DENND2B: variants seen among roughly 807,000 people sequenced by gnomAD.
DENND2B encodes DENN domain containing 2B.
Under a neutral mutation model 116.0 loss-of-function variants are expected in DENND2B, and 32 were observed. The ratio of observed to expected loss-of-function variants is 0.28; its 90% confidence interval spans 0.21 to 0.37. The LOEUF (loss-of-function observed/expected upper bound fraction) is 0.37, where lower values mean the gene tolerates loss of function less well. Among genes scored for constraint, DENND2B ranks in the 10% least tolerant of loss-of-function variants. The pLI, the probability that DENND2B is intolerant of heterozygous loss-of-function variation, is 1.00. For synonymous variants in DENND2B, 588 were observed against 583.9 expected (o/e 1.01, Z -0.10); for missense variants, 1,276 against 1,477.7 (o/e 0.86, Z 2.24).
chr11:8,708,273 G>A (rs1396670438), intron 11 of DENND2B: 1 of 985,346 alleles, frequency 1.0e-6, no homozygotes, highest in African/African-American at 1.7e-5. Flanking sequence ...GCCCCATAGG[G>A]CACATTCGGC....
At chr11:8,742,078 T>C (rs1228876372) in intron 2 of DENND2B, among the ~76,000 whole-genome samples, 1 of 152,090 alleles carries the variant, frequency 6.6e-6, no homozygotes, top group African/African-American at 2.4e-5. Context: ...ATTACTAGTT[T>C]TTGTAGAGAC....
At chr11:8,710,753 G>GCGCACACA in intron 11 of DENND2B, 92 bp downstream of exon 11, 4 of 830,360 alleles carry the variant, frequency 4.8e-6, no homozygotes, top group African/African-American at 1.8e-5. Flanking sequence ...TTGCAGAAGG[G>GCGCACACA]CACACACACA....
intron 1 of DENND2B, among the ~76,000 whole-genome samples, chr11:8,779,410 A>ACCCTC (rs1246877929): frequency 1.7e-4 from 25 of 150,118 alleles, no homozygotes; most frequent in African/African-American, 6.1e-4. Context: ...TAAAAACAGA[A>ACCCTC]CCCTCCCCTC....
At chr11:8,818,929 A>G (rs899507109) in intron 4 of DENND2B, among the ~76,000 whole-genome samples, 3 of 152,244 alleles carry the variant, frequency 2.0e-5, no homozygotes, top group African/African-American at 7.2e-5. Context: ...CAAGATGATT[A>G]TAAGTGGTAT....
At chr11:8,698,401 T>TC (rs1165850205) in intron 16 of DENND2B, among the ~76,000 whole-genome samples, 1 of 152,120 alleles carries the variant, frequency 6.6e-6, no homozygotes, top group Non-Finnish European at 1.5e-5. Context: ...AGTCCTCAGC[T>TC]CCGTCATTGG....
intron 3 of DENND2B, among the ~76,000 whole-genome samples, chr11:8,851,949 G>C (rs1487959338): frequency 1.3e-5 from 2 of 152,068 alleles, no homozygotes; most frequent in African/African-American, 4.8e-5. Context: ...TAATTAGGGG[G>C]GAAATGCCCC....
chr11:8,743,560 AT>A (rs1055871967), intron 2 of DENND2B, among the ~76,000 whole-genome samples: 4 of 151,524 alleles, frequency 2.6e-5, no homozygotes, highest in South Asian at 2.1e-4. Flanking sequence ...AAAAAAAAAA[AT>A]TTTTTTTTTA....
At chr11:8,697,818 C>G (rs1346639739) in intron 16 of DENND2B, 182 bp from the exon 17 acceptor site, 2 of 612,444 alleles carry the variant, frequency 3.3e-6, no homozygotes, top group Non-Finnish European at 5.9e-6. Context: ...GAAACTTGCC[C>G]AAGATTACAG....
chr11:8,819,174 C>T (rs1383701131), intron 4 of DENND2B, among the ~76,000 whole-genome samples: 1 of 152,012 alleles, frequency 6.6e-6, no homozygotes, highest in Non-Finnish European at 1.5e-5. Flanking sequence ...ACAGGAAGAT[C>T]GCTTGAGCTC....
At chr11:8,718,642 A>C (rs1000008231) in intron 4 of DENND2B, 1 of 1,292,348 alleles carries the variant, frequency 7.7e-7, no homozygotes, top group African/African-American at 1.5e-5. Flanking sequence ...GCTGTGACAC[A>C]GGGGAGGTGT....
At chr11:8,805,452 GT>G in intron 1 of DENND2B, among the ~76,000 whole-genome samples, 2 of 152,262 alleles carry the variant, frequency 1.3e-5, no homozygotes, top group South Asian at 2.1e-4. Context: ...TGACTTGATA[GT>G]TTTTTTCCAA....
At chr11:8,850,735 G>C (rs560907007) in intron 3 of DENND2B, among the ~76,000 whole-genome samples, 1 of 152,328 alleles carries the variant, frequency 6.6e-6, no homozygotes, top group Admixed American at 6.5e-5. Flanking sequence ...CATGTTCATT[G>C]CAGCATTATT....
At chr11:8,852,474 T>C (rs939110226) in intron 3 of DENND2B, among the ~76,000 whole-genome samples, 2 of 151,954 alleles carry the variant, frequency 1.3e-5, no homozygotes, top group African/African-American at 4.8e-5. Flanking sequence ...TTTACAAAAA[T>C]AGTAAATAAA....
intron 2 of DENND2B, among the ~76,000 whole-genome samples, chr11:8,733,376 G>A (rs142401051): frequency 6.6e-6 from 1 of 152,346 alleles, no homozygotes; most frequent in African/African-American, 2.4e-5. Context: ...AACTGAAGAT[G>A]CATTTGACAG....
chr11:8,873,253 A>G (rs2063810419), upstream of DENND2B, among the ~76,000 whole-genome samples: 1 of 152,234 alleles, frequency 6.6e-6, no homozygotes, highest in Admixed American at 6.5e-5. Flanking sequence ...GACCCAGGAC[A>G]ATAATTATTT....
At chr11:8,727,802 A>G (rs1418641839) in intron 3 of DENND2B, among the ~76,000 whole-genome samples, 1 of 151,936 alleles carries the variant, frequency 6.6e-6, no homozygotes, top group East Asian at 1.9e-4. Flanking sequence ...TAAGACACAA[A>G]TCATGTTCAG....
At chr11:8,852,632 G>C (rs1180599132) in intron 3 of DENND2B, among the ~76,000 whole-genome samples, 1 of 152,198 alleles carries the variant, frequency 6.6e-6, no homozygotes, top group Non-Finnish European at 1.5e-5. Context: ...TTATAACAAT[G>C]TATGCAAACG....
At chr11:8,838,348 C>T (rs2134606581) in intron 4 of DENND2B, among the ~76,000 whole-genome samples, 1 of 152,324 alleles carries the variant, frequency 6.6e-6, no homozygotes, top group Middle Eastern at 3.4e-3. Flanking sequence ...CAAGATCCCA[C>T]CACAAACTAG....
At chr11:8,779,044 C>T (rs7949147) in intron 1 of DENND2B, among the ~76,000 whole-genome samples, 6,129 of 152,280 alleles carry the variant, frequency 0.04, 410 homozygotes, top group African/African-American at 0.14. Context: ...GAGAACAAAA[C>T]ATGAGATGTG....
Sources: gnomAD v4.1 joint callset for allele counts (sites outside exome capture counted in the v4.1 genomes callset) on GRCh38, gnomAD v4.1.1 for gene constraint, MANE v1.5 for transcripts, NCBI Gene and HGNC (gene_info 2026-07-23, HGNC 2026-07-21) for gene names.